The following CCDC62 variants were observed in gnomAD, a reference collection of about 807,000 sequenced individuals.
CCDC62 encodes the protein coiled-coil domain-containing protein 62.
CCDC62 carries 72 observed loss-of-function variants against 80.8 expected under a neutral mutation model. That is an observed-to-expected ratio of 0.89 (90% CI 0.74 to 1.08). The LOEUF is 1.08. Ranked by LOEUF, CCDC62 falls within the 50% of genes least tolerant of loss-of-function variation. The pLI, the probability that CCDC62 is intolerant of heterozygous loss-of-function variation, is 0.00. For missense variants in CCDC62, 704 were observed against 809.4 expected (o/e 0.87, Z 1.58); for synonymous variants, 286 against 296.5 (o/e 0.96, Z 0.36).
chr12:122,789,557 C>T (rs868235464), intron 5 of CCDC62, among the ~76,000 whole-genome samples: 3 of 151,988 alleles, frequency 2.0e-5, no homozygotes, highest in Non-Finnish European at 2.9e-5. Flanking sequence ...CTCAGCTTCC[C>T]GAGTAGCTGG....
At chr12:122,783,319 C>A (rs12303951) in intron 3 of CCDC62, among the ~76,000 whole-genome samples, 8,262 of 151,048 alleles carry the variant, frequency 0.055, 385 homozygotes, top group East Asian at 0.27. Context: ...GCTCCGCCTC[C>A]CGGGTTCACA....
At chr12:122,784,479 C>T (rs2030086574) in intron 3 of CCDC62, among the ~76,000 whole-genome samples, 1 of 152,100 alleles carries the variant, frequency 6.6e-6, no homozygotes, top group Admixed American at 6.5e-5. Context: ...CAAGACCACG[C>T]CACTGCACTC....
In CCDC62 at chr12:122,815,956, A is replaced by G. The variant is rs556947858; in HGVS notation, c.2001+2537A>G. ...TTTCACGAAATGCTCTCTGATGGCA[A>G]TTCTTGCTTAGTCCTTCAGATTGGT... On this transcript the variant is annotated intron_variant, in intron 11 of 12. Transcript: ENST00000253079. 2.6e-4 allele frequency among the ~76,000 whole-genome samples: 40 copies of G among 152,288 alleles called. No homozygotes were observed. The East Asian group carries it at 5.2e-3, about 20-fold the overall frequency.
Position 122,798,072 on chromosome 12 carries a change from A to G in CCDC62, c.862-13A>G, listed in dbSNP as rs568425527. On this transcript the variant is annotated splice_polypyrimidine_tract_variant and intron_variant, in intron 7 of 12. Transcript: ENST00000253079. ...TATTACATTTCATGTTGATTTGTCA[A>G]TATCTATGACAGATTTATGTAAAAC... The G allele has an allele frequency of 9.7e-6, 12 of 1,237,694 alleles. No homozygotes were observed. The highest frequency in any genetic ancestry group is 1.5e-5 in the African/African-American group (1 of 67,118). 76.7% of individuals were successfully genotyped at this position (1,237,694 alleles called of 1,614,324 possible).
intron 11 of CCDC62, among the ~76,000 whole-genome samples, chr12:122,815,698 C>T (rs1173353079): frequency 6.6e-6 from 1 of 152,208 alleles, no homozygotes; most frequent in Admixed American, 6.5e-5. Context: ...CCGCCCGCCT[C>T]AGCCTCCCAA....
At chr12:122,819,197 CTTTGTACTGAG>C (rs923390197) in intron 11 of CCDC62, among the ~76,000 whole-genome samples, 2 of 152,132 alleles carry the variant, frequency 1.3e-5, no homozygotes, top group Non-Finnish European at 2.9e-5. Context: ...CCCCCCATGC[CTTTGTACTGAG>C]TACAGCTAGG....
In CCDC62 at chr12:122,801,123, G is replaced by A. The variant is rs537037076; in HGVS notation, c.978-1G>A. 8.7e-6 allele frequency: 14 copies of A among 1,604,486 alleles called. No homozygotes were observed. The South Asian group carries it at 1.1e-4, about 13-fold the overall frequency. ...CCATTTTTTTTCTAATGCCACCATA[G>A]CAGAGACATGTGTTTATCAGACCTT... On this transcript the variant is annotated splice_acceptor_variant, in intron 8 of 12. Coordinates refer to ENST00000253079, the MANE Select transcript of CCDC62 (RefSeq NM_201435.5). LOFTEE classifies it high-confidence loss of function.
chr12:122,793,517 C>A (rs2030756936), intron 6 of CCDC62, among the ~76,000 whole-genome samples: 1 of 97,692 alleles, frequency 1.0e-5, no homozygotes, highest in Non-Finnish European at 2.0e-5. Flanking sequence ...GAATGGAATG[C>A]AGTTTGTCTG....
chr12:122,814,074 G>C (rs1178313456), intron 11 of CCDC62, among the ~76,000 whole-genome samples: 1 of 151,672 alleles, frequency 6.6e-6, no homozygotes, highest in Admixed American at 6.6e-5. Flanking sequence ...CTGAGGTCAG[G>C]AGTTCAAGAC....
rs112566758 is a variant in CCDC62 at position 122,777,254 on chromosome 12, C to T, written c.37-237C>T. ...CCAGTGGGTTTTAGAAACAGTCCCACTTTTTAGGCATGGTACGTATGGCAT... is the reference window on the plus strand; with the variant it reads ...CCAGTGGGTTTTAGAAACAGTCCCATTTTTTAGGCATGGTACGTATGGCAT... On this transcript the variant is annotated intron_variant, in intron 1 of 12. Coordinates refer to ENST00000253079, the MANE Select transcript of CCDC62 (RefSeq NM_201435.5). 5.4e-3 allele frequency: 2,218 copies of T among 409,374 alleles called. 45 individuals are homozygous for T. The highest frequency in any genetic ancestry group is 0.042 in the African/African-American group (2,024 of 48,750). 25.4% of individuals were successfully genotyped at this position (409,374 alleles called of 1,614,324 possible).
rs557129385 is a variant in CCDC62, at chr12:122,818,012, A to G, written c.2001+4593A>G. On this transcript the variant is annotated intron_variant, in intron 11 of 12. Transcript: ENST00000253079. ...AATGGAACTGACAGGAACATGCAGA[A>G]AAAAGAAAAAGCTGGCCAGGTGCAG... 1.2e-4 allele frequency among the ~76,000 whole-genome samples: 19 copies of G among 152,224 alleles called. 1 individual carries two copies. The South Asian group carries it at 3.5e-3, about 28-fold the overall frequency.
intron 12 of CCDC62, among the ~76,000 whole-genome samples, chr12:122,825,597 C>T (rs2032588197): frequency 6.9e-6 from 1 of 144,822 alleles, no homozygotes; most frequent in Non-Finnish European, 1.5e-5. Context: ...CTTAAGTGAT[C>T]CGCCCGCCTC....
intron 9 of CCDC62, among the ~76,000 whole-genome samples, chr12:122,804,055 C>T (rs575032416): frequency 6.6e-6 from 1 of 152,218 alleles, no homozygotes; most frequent in East Asian, 1.9e-4. Flanking sequence ...TCTCTTTTTC[C>T]ATAGATTATA....
chr12:122,811,243 C>T (rs1253535536), intron 10 of CCDC62, among the ~76,000 whole-genome samples: 1 of 118,216 alleles, frequency 8.5e-6, no homozygotes, highest in Non-Finnish European at 1.7e-5. Context: ...CGGAGTTTCA[C>T]TCTTGTTGCC....
intron 9 of CCDC62, 68 bp from the exon 10 acceptor site, chr12:122,806,083 G>A (rs1373259011): frequency 2.1e-6 from 3 of 1,416,208 alleles, no homozygotes; most frequent in Non-Finnish European, 2.9e-6. Flanking sequence ...ATACTTTTGA[G>A]TATAAGAGTG....
chr12:122,785,716 T>C lies in CCDC62; in HGVS notation c.397-3T>C. On this transcript the variant is annotated splice_polypyrimidine_tract_variant and splice_region_variant and intron_variant, in intron 3 of 12. Coordinates refer to ENST00000253079, the MANE Select transcript of CCDC62 (RefSeq NM_201435.5). ...CAGTATCATCTGTGTTGTTTTCTTG[T>C]AGGCTAGAAACGAAACTCTCAGCAA... 3 of 1,605,426 alleles carry C rather than the reference T, an allele frequency of 1.9e-6. No homozygotes were observed. Among genetic ancestry groups the C allele is most frequent in the Non-Finnish European group, 2.6e-6 (3 of 1,172,146 alleles).
intron 4 of CCDC62, among the ~76,000 whole-genome samples, chr12:122,786,214 C>T (rs537451714): frequency 0.012 from 1,764 of 152,130 alleles, 36 homozygotes; most frequent in African/African-American, 0.041. Context: ...GTGGCTCCGT[C>T]TCAGCTCGCT....
intron 4 of CCDC62, 111 bp downstream of exon 4, chr12:122,785,931 G>A (rs773161185): frequency 5.6e-6 from 4 of 718,530 alleles, no homozygotes; most frequent in Non-Finnish European, 9.6e-6. Flanking sequence ...TACCAACGTT[G>A]CTCTTGTTTT....
At chr12:122,815,373 C>T (rs1192302105) in intron 11 of CCDC62, among the ~76,000 whole-genome samples, 1 of 152,238 alleles carries the variant, frequency 6.6e-6, no homozygotes, top group African/African-American at 2.4e-5. Flanking sequence ...GCCGCTGTGC[C>T]TGGCCTGGCT....
Sources: gnomAD v4.1 joint callset for allele counts (sites outside exome capture counted in the v4.1 genomes callset) on GRCh38, gnomAD v4.1.1 for gene constraint, MANE v1.5 for transcripts, NCBI Gene and HGNC (gene_info 2026-07-23, HGNC 2026-07-21) for gene names.